ELAVL4: variants seen among roughly 807,000 people sequenced by gnomAD.
ELAVL4 encodes ELAV like RNA binding protein 4.
ELAVL4 carries 1 observed loss-of-function variant against 35.6 expected under a neutral mutation model. That is an observed-to-expected ratio of 0.03 (90% CI 0.01 to 0.13). The LOEUF is 0.13. Among genes scored for constraint, ELAVL4 ranks in the 10% least tolerant of loss-of-function variants. The pLI is 1.00. For synonymous variants in ELAVL4, 156 were observed against 171.0 expected (o/e 0.91, Z 0.69); for missense variants, 267 against 464.9 (o/e 0.57, Z 3.91).
intron 1 of ELAVL4, among the ~76,000 whole-genome samples, chr1:50,068,742 T>C (rs937750094): frequency 1.3e-5 from 2 of 152,224 alleles, no homozygotes; most frequent in African/African-American, 4.8e-5. Context: ...GAGTGAAATA[T>C]ACGGATAAGT....
In ELAVL4 at chr1:50,121,611, G is replaced by C. The variant is rs75792331; in HGVS notation, c.9+12413G>C. ...TGTTGGGTCATGGTCAGAAAAGTTTGAGAAATACTGGTCTAGATAATAGTG... is the reference window on the plus strand; with the variant it reads ...TGTTGGGTCATGGTCAGAAAAGTTTCAGAAATACTGGTCTAGATAATAGTG... On this transcript the variant is annotated intron_variant, in intron 1 of 6. Transcript: ENST00000371824. 8.2e-3 allele frequency among the ~76,000 whole-genome samples: 1,254 copies of C among 152,074 alleles called. 48 individuals carry two copies. The highest frequency in any genetic ancestry group is 0.061 in the Admixed American group (928 of 15,242).
chr1:50,150,293 G>A (rs74510960), intron 2 of ELAVL4, among the ~76,000 whole-genome samples: 7,576 of 152,114 alleles, frequency 0.05, 636 homozygotes, highest in African/African-American at 0.17. Context: ...TTTATAATAC[G>A]TCTCTTTGGT....
upstream of ELAVL4, among the ~76,000 whole-genome samples, chr1:50,100,616 T>C (rs1665930212): frequency 6.6e-6 from 1 of 152,220 alleles, no homozygotes; most frequent in South Asian, 2.1e-4. Flanking sequence ...TTTTACATCC[T>C]TCCTTAGGCT....
intron 5 of ELAVL4, 62 bp from the exon 6 acceptor site, chr1:50,197,367 T>C: frequency 2.7e-6 from 4 of 1,491,412 alleles, no homozygotes; most frequent in South Asian, 1.3e-5. Context: ...TTATTAATAG[T>C]TCCATTGAGC....
intron 2 of ELAVL4, among the ~76,000 whole-genome samples, chr1:50,148,934 G>A (rs1356115002): frequency 1.3e-5 from 2 of 152,160 alleles, no homozygotes; most frequent in Admixed American, 6.6e-5. Context: ...TATTTTAGGG[G>A]AGAAAACATG....
At chr1:50,146,154 G>GTT (rs11352967) in intron 2 of ELAVL4, among the ~76,000 whole-genome samples, 4 of 147,504 alleles carry the variant, frequency 2.7e-5, no homozygotes, top group Non-Finnish European at 4.5e-5. Context: ...CTGTCCTAGA[G>GTT]TTTTTTTTTT....
chr1:50,058,596 G>A (rs1190136249), intron 1 of ELAVL4, among the ~76,000 whole-genome samples: 2 of 150,560 alleles, frequency 1.3e-5, no homozygotes, highest in Non-Finnish European at 3.0e-5. Flanking sequence ...CCGCATTAAT[G>A]GTAAGAATTC....
At chr1:50,145,408 C>T (rs1206442917) in intron 2 of ELAVL4, among the ~76,000 whole-genome samples, 1 of 152,154 alleles carries the variant, frequency 6.6e-6, no homozygotes, top group African/African-American at 2.4e-5. Flanking sequence ...TTTGGTACAT[C>T]TTCATCTTCA....
chr1:50,141,020 A>G (rs1672729093), intron 1 of ELAVL4, among the ~76,000 whole-genome samples: 1 of 152,228 alleles, frequency 6.6e-6, no homozygotes. Context: ...AAGGAAGGCC[A>G]CAAAGCTGAT....
chr1:50,066,925 T>C (rs1428561582), intron 1 of ELAVL4, among the ~76,000 whole-genome samples: 1 of 152,186 alleles, frequency 6.6e-6, no homozygotes, highest in African/African-American at 2.4e-5. Flanking sequence ...TCCCTCAAAC[T>C]GTCTCATTGA....
chr1:50,124,460 C>T (rs1025101700), intron 1 of ELAVL4, among the ~76,000 whole-genome samples: 3 of 152,040 alleles, frequency 2.0e-5, no homozygotes, highest in African/African-American at 7.2e-5. Context: ...AAGAGGACAA[C>T]GTAGTTTAAG....
At chr1:50,114,626 A>G (rs927025853) in intron 1 of ELAVL4, among the ~76,000 whole-genome samples, 2 of 152,088 alleles carry the variant, frequency 1.3e-5, no homozygotes, top group African/African-American at 4.8e-5. Context: ...ATGAGTGATA[A>G]ATTTGAACTG....
At chr1:50,200,735 A>T in intron 6 of ELAVL4, 116 bp from the exon 7 acceptor site, 4 of 1,515,282 alleles carry the variant, frequency 2.6e-6, no homozygotes, top group South Asian at 2.7e-5. Context: ...AACCCTGAAG[A>T]CTCTCCTGTA....
chr1:50,104,719 G>A (rs1335410776), upstream of ELAVL4, among the ~76,000 whole-genome samples: 1 of 152,208 alleles, frequency 6.6e-6, no homozygotes, highest in African/African-American at 2.4e-5. Flanking sequence ...GGTGTTGCAT[G>A]CTTTATAAGT....
intron 1 of ELAVL4, among the ~76,000 whole-genome samples, chr1:50,090,287 C>T (rs577933977): frequency 4.7e-4 from 72 of 152,298 alleles, no homozygotes; most frequent in Admixed American, 1.7e-3. Flanking sequence ...CCCCACCTCT[C>T]CTTTCTCCTA....
intron 1 of ELAVL4, among the ~76,000 whole-genome samples, chr1:50,113,180 G>A (rs765823688): frequency 2.6e-5 from 4 of 151,768 alleles, no homozygotes; most frequent in Non-Finnish European, 5.9e-5. Flanking sequence ...TCTCAAGTTA[G>A]AGTTACTGTG....
chr1:50,177,709 G>A (rs1206402975), intron 3 of ELAVL4, among the ~76,000 whole-genome samples: 1 of 152,120 alleles, frequency 6.6e-6, no homozygotes, highest in Non-Finnish European at 1.5e-5. Context: ...ACCTAAGGGT[G>A]GTTAGGACCC....
At chr1:50,077,725 T>C (rs995970015) in intron 1 of ELAVL4, among the ~76,000 whole-genome samples, 1 of 152,218 alleles carries the variant, frequency 6.6e-6, no homozygotes, top group Admixed American at 6.5e-5. Context: ...AAAGGAAGTA[T>C]CACTATTGAT....
chr1:50,105,317 G>A (rs1240959659), upstream of ELAVL4, among the ~76,000 whole-genome samples: 1 of 152,120 alleles, frequency 6.6e-6, no homozygotes, highest in East Asian at 1.9e-4. Context: ...CCATTGCTCT[G>A]TGTTGATTGT....
Sources: gnomAD v4.1 joint callset for allele counts (sites outside exome capture counted in the v4.1 genomes callset) on GRCh38, gnomAD v4.1.1 for gene constraint, MANE v1.5 for transcripts, NCBI Gene and HGNC (gene_info 2026-07-23, HGNC 2026-07-21) for gene names.